The following GULP1 variants were observed in gnomAD, a reference collection of about 807,000 sequenced individuals.
GULP1 encodes the protein GULP PTB domain containing engulfment adaptor 1.
A neutral mutation model predicts 40.9 loss-of-function variants in GULP1; 19 were observed. The ratio of observed to expected loss-of-function variants is 0.46; its 90% CI spans 0.32 to 0.68. GULP1 has a LOEUF of 0.68. Ranked by LOEUF, GULP1 falls within the 30% of genes least tolerant of loss-of-function variation. GULP1 has a pLI of 0.03. For synonymous variants in GULP1, 119 were observed against 117.6 expected, an observed-to-expected ratio of 1.01 and a Z score of -0.08; for missense variants, 312 against 362.2, an observed-to-expected ratio of 0.86 and a Z score of 1.12.
At chr2:188,480,764 A>C (rs1156946230) in intron 3 of GULP1, among the ~76,000 whole-genome samples, 3 of 151,888 alleles carry the variant, frequency 2.0e-5, no homozygotes, top group Non-Finnish European at 4.4e-5. Context: ...GTAAAAAAGT[A>C]TAAAAATAAC....
chr2:188,583,374 C>A (rs1300209282), intron 9 of GULP1, among the ~76,000 whole-genome samples: 1 of 152,152 alleles, frequency 6.6e-6, no homozygotes, highest in East Asian at 1.9e-4. Context: ...TGGAAGCAAT[C>A]TCTGTCCAAG....
intron 2 of GULP1, among the ~76,000 whole-genome samples, chr2:188,457,875 C>T (rs1323759328): frequency 2.0e-5 from 3 of 152,144 alleles, no homozygotes; most frequent in Non-Finnish European, 4.4e-5. Flanking sequence ...ACTTATCTTA[C>T]ATTTGGATTG....
At chr2:188,374,049 C>T (rs1355471713) in intron 1 of GULP1, among the ~76,000 whole-genome samples, 1 of 151,928 alleles carries the variant, frequency 6.6e-6, no homozygotes, top group African/African-American at 2.4e-5. Flanking sequence ...CTTAAGCAAA[C>T]ATAAAAATTT....
intron 1 of GULP1, among the ~76,000 whole-genome samples, chr2:188,378,376 G>C (rs759743092): frequency 2.6e-5 from 4 of 151,874 alleles, no homozygotes; most frequent in Non-Finnish European, 5.9e-5. Flanking sequence ...TTTATTTGAA[G>C]ACTTATTTAA....
chr2:188,540,961 C>T (rs1439939147), intron 6 of GULP1, among the ~76,000 whole-genome samples: 1 of 152,116 alleles, frequency 6.6e-6, no homozygotes, highest in African/African-American at 2.4e-5. Context: ...ATGTTTTGCT[C>T]AGCACTACTG....
chr2:188,474,836 G>T (rs969454212), intron 2 of GULP1, among the ~76,000 whole-genome samples: 4 of 151,992 alleles, frequency 2.6e-5, no homozygotes, highest in Non-Finnish European at 5.9e-5. Context: ...TTTAATAATA[G>T]GGAAATGATT....
At chr2:188,359,391 C>G (rs758807660) in intron 1 of GULP1, among the ~76,000 whole-genome samples, 43 of 152,044 alleles carry the variant, frequency 2.8e-4, no homozygotes, top group Non-Finnish European at 5.6e-4. Context: ...TTTTACAGTT[C>G]TTAAAATGAC....
intron 4 of GULP1, among the ~76,000 whole-genome samples, chr2:188,521,619 A>G (rs917050106): frequency 2.0e-5 from 3 of 152,162 alleles, no homozygotes; most frequent in African/African-American, 2.4e-5. Flanking sequence ...GAGACTTACT[A>G]TCATGAGACC....
At chr2:188,491,773 C>G (rs1029588915) in intron 4 of GULP1, among the ~76,000 whole-genome samples, 23 of 152,048 alleles carry the variant, frequency 1.5e-4, no homozygotes, top group African/African-American at 5.6e-4. Context: ...AATGTCTCAG[C>G]CCTTAGGCAA....
chr2:188,484,917 G>C (rs534569495), intron 4 of GULP1, among the ~76,000 whole-genome samples: 2 of 152,156 alleles, frequency 1.3e-5, no homozygotes, highest in African/African-American at 2.4e-5. Flanking sequence ...TTAACATAAA[G>C]GCTGATTGCC....
At position 188,299,514 on chromosome 2, in the gene GULP1, C is replaced by T. The variant is rs532368375; in HGVS notation, c.-172+7348C>T. Among the ~76,000 whole-genome samples, 16 of 152,210 alleles carry T rather than the reference C, an allele frequency of 1.1e-4. No individual in the cohort carries two copies. The South Asian group carries it at 2.3e-3, about 22-fold the overall frequency. The stretch of plus-strand genomic sequence containing the variant: ...CTTAATATACATTTGAAGTCTTTCC[C>T]CCCTTCTCATTCTGGGAAATATAAC... On this transcript the variant is annotated intron_variant, in intron 1 of 11. Coordinates refer to ENST00000409830, the MANE Select transcript of GULP1 (RefSeq NM_016315.4).
chr2:188,467,461 A>T (rs192623576), intron 2 of GULP1, among the ~76,000 whole-genome samples: 1 of 152,110 alleles, frequency 6.6e-6, no homozygotes, highest in African/African-American at 2.4e-5. Flanking sequence ...TAATCTCAGT[A>T]TCAAGATTTT....
intron 2 of GULP1, among the ~76,000 whole-genome samples, chr2:188,426,364 TTCAGAGAGAA>T (rs1432609302): frequency 6.6e-6 from 1 of 152,144 alleles, no homozygotes; most frequent in Admixed American, 6.5e-5. Flanking sequence ...TAGAGCAGGC[TTCAGAGAGAA>T]TAGATGGTAA....
At chr2:188,589,704 T>A in intron 11 of GULP1, 2 of 1,235,840 alleles carry the variant, frequency 1.6e-6, no homozygotes, top group Non-Finnish European at 2.2e-6. Context: ...TTTCTTAATG[T>A]CTTTTTAAAT....
intron 4 of GULP1, among the ~76,000 whole-genome samples, chr2:188,514,402 G>T (rs779974131): frequency 5.9e-5 from 9 of 152,012 alleles, no homozygotes; most frequent in Non-Finnish European, 1.0e-4. Context: ...GCTTAAAGTT[G>T]CAGTTTCAAA....
intron 2 of GULP1, among the ~76,000 whole-genome samples, chr2:188,444,092 G>A (rs1291505369): frequency 1.3e-5 from 2 of 151,996 alleles, no homozygotes; most frequent in African/African-American, 4.8e-5. Context: ...CTGCATCCCA[G>A]ACTATTACAT....
intron 2 of GULP1, among the ~76,000 whole-genome samples, chr2:188,460,189 T>A (rs1376349659): frequency 6.6e-6 from 1 of 152,152 alleles, no homozygotes; most frequent in African/African-American, 2.4e-5. Flanking sequence ...AGAATGTCGT[T>A]GGTATTTTGA....
chr2:188,356,207 G>T (rs1454816821), intron 1 of GULP1, among the ~76,000 whole-genome samples: 1 of 151,986 alleles, frequency 6.6e-6, no homozygotes, highest in African/African-American at 2.4e-5. Context: ...GCAAGAGAAA[G>T]AGAAAAAGGG....
intron 7 of GULP1, among the ~76,000 whole-genome samples, chr2:188,561,907 G>C (rs1223445141): frequency 6.6e-6 from 1 of 152,144 alleles, no homozygotes; most frequent in Non-Finnish European, 1.5e-5. Context: ...CTAAGTTTCA[G>C]TGGCAACTTG....
Sources: gnomAD v4.1 joint callset for allele counts (sites outside exome capture counted in the v4.1 genomes callset) on GRCh38, gnomAD v4.1.1 for gene constraint, MANE v1.5 for transcripts, NCBI Gene and HGNC (gene_info 2026-07-23, HGNC 2026-07-21) for gene names.